The following GLB1 variants were observed in gnomAD, a reference collection of about 807,000 sequenced individuals.
GLB1 encodes the protein beta-galactosidase.
GLB1 carries 56 observed loss-of-function variants against 74.0 expected under a neutral mutation model. The observed-to-expected ratio is 0.76, with a 90% confidence interval of 0.61 to 0.94. GLB1 has a LOEUF of 0.94. Among genes scored for constraint, GLB1 ranks in the 40% least tolerant of loss-of-function variants. The pLI, the probability that GLB1 is intolerant of heterozygous loss-of-function variation, is 0.00. For synonymous variants in GLB1, 323 were observed against 323.6 expected (o/e 1.00, Z 0.02); for missense variants, 787 against 845.5 (o/e 0.93, Z 0.86).
At chr3:33,019,469 G>A (rs1053040617) in intron 12 of GLB1, among the ~76,000 whole-genome samples, 1 of 152,144 alleles carries the variant, frequency 6.6e-6, no homozygotes, top group African/African-American at 2.4e-5. Context: ...ATCCAGCATG[G>A]AACAGAGAAA....
the GLB1 span, among the ~76,000 whole-genome samples, chr3:32,964,888 A>T: frequency 6.6e-6 from 1 of 152,142 alleles, no homozygotes; most frequent in Non-Finnish European, 1.5e-5. Flanking sequence ...GGTTTTTCCC[A>T]TGCTGTTCTT....
the GLB1 span, among the ~76,000 whole-genome samples, chr3:32,981,447 A>T: frequency 6.6e-6 from 1 of 150,612 alleles, no homozygotes; most frequent in Non-Finnish European, 1.5e-5. Context: ...AAAAAAGCAA[A>T]GGTCTTCTGT....
At position 33,068,759 on chromosome 3, in the gene GLB1, C is replaced by T. The variant is rs78669828; in HGVS notation, c.396+61G>A. 16,519 of 1,612,040 alleles carry T rather than the reference C, an allele frequency of 0.01. 453 individuals carry two copies. Among genetic ancestry groups the T allele is most frequent in the Admixed American group, 0.082 (4,892 of 59,940 alleles). On this transcript the variant is annotated intron_variant, in intron 3 of 15. Coordinates refer to ENST00000307363, the MANE Select transcript of GLB1 (RefSeq NM_000404.4). ...GCAGGTCTGCTTTAATTCCCTTTGC[C>T]CCAGAGCTGCTGCCTGCCAGCTCAC...
At chr3:33,068,340 T>C in intron 3 of GLB1, 50 bp from the exon 4 acceptor site, 2 of 1,610,976 alleles carry the variant, frequency 1.2e-6, no homozygotes, top group South Asian at 1.1e-5. Context: ...TGAAGGGTGC[T>C]CAGAGGAGAT....
At chr3:32,963,605 G>A in the GLB1 span, among the ~76,000 whole-genome samples, 1 of 147,626 alleles carries the variant, frequency 6.8e-6, no homozygotes, top group African/African-American at 2.6e-5. Context: ...TTTTCTATAT[G>A]GTTGAAATGC....
chr3:32,970,713 C>T, the GLB1 span, among the ~76,000 whole-genome samples: 36 of 152,250 alleles, frequency 2.4e-4, no homozygotes, highest in East Asian at 6.8e-3. Flanking sequence ...CGATGACAAC[C>T]AGTGGATTAG....
intron 10 of GLB1, chr3:33,034,690 C>T: frequency 1.4e-6 from 1 of 726,814 alleles, no homozygotes; most frequent in Non-Finnish European, 2.6e-6. Context: ...CTGGTGGAGA[C>T]AATAAGGTGA....
At chr3:32,991,823 C>A (rs1696228227), downstream of GLB1, among the ~76,000 whole-genome samples, 1 of 152,270 alleles carries the variant, frequency 6.6e-6, no homozygotes, top group African/African-American at 2.4e-5. Context: ...CAGCAGAAGC[C>A]CCAACGTCAC....
Position 33,051,742 on chromosome 3 carries a change from A to C in GLB1, c.955+16T>G. 1.9e-6 allele frequency: 3 copies of C among 1,614,234 alleles called. No individual in the cohort carries two copies. The highest frequency in any genetic ancestry group is 2.5e-6 in the Non-Finnish European group (3 of 1,180,052). ...CATTCTAGCATAAGTTTCTACAGAT[A>C]TTAAAGTGCTCTTACCATTCCAATA... On this transcript the variant is annotated intron_variant, in intron 9 of 15. Coordinates refer to ENST00000307363, the MANE Select transcript of GLB1 (RefSeq NM_000404.4).
At chr3:33,053,926 T>G (rs1292880078) in intron 6 of GLB1, among the ~76,000 whole-genome samples, 1 of 152,030 alleles carries the variant, frequency 6.6e-6, no homozygotes, top group African/African-American at 2.4e-5. Flanking sequence ...GGCAGGAGAA[T>G]TGCTTGAACC....
rs562176735 is a variant in GLB1 at position 33,091,280 on chromosome 3, C to A, written c.75+5731G>T. 2.1e-4 allele frequency: 210 copies of A among 985,416 alleles called. No homozygotes were observed. The African/African-American group carries it at 3.5e-3, about 16-fold the overall frequency. 61.0% of individuals were successfully genotyped at this position (985,416 alleles called of 1,614,324 possible). On this transcript the variant is annotated intron_variant, in intron 1 of 15. Coordinates refer to ENST00000307363, the MANE Select transcript of GLB1 (RefSeq NM_000404.4). ...TGTCAATACCGTGGCTGCCTGGGAA[C>A]AAAAAGGGTGGTCTCCAGATCCCCC...
At chr3:33,011,551 A>G (rs1697026493) in intron 15 of GLB1, among the ~76,000 whole-genome samples, 1 of 149,910 alleles carries the variant, frequency 6.7e-6, no homozygotes, top group Admixed American at 6.6e-5. Context: ...AGGCTGAGGC[A>G]GGAGAATTGC....
intron 15 of GLB1, among the ~76,000 whole-genome samples, chr3:33,007,095 C>T (rs904232404): frequency 2.0e-5 from 3 of 152,172 alleles, no homozygotes; most frequent in African/African-American, 7.2e-5. Flanking sequence ...CAGCAGGGAC[C>T]ACTGTGCACC....
intron 9 of GLB1, among the ~76,000 whole-genome samples, chr3:33,048,820 C>T (rs1338102496): frequency 6.6e-6 from 1 of 152,138 alleles, no homozygotes; most frequent in Non-Finnish European, 1.5e-5. Context: ...AAGCTTCACC[C>T]CTTGCCAGCT....
At chr3:33,062,310 G>A (rs747860654) in intron 5 of GLB1, among the ~76,000 whole-genome samples, 66 of 152,100 alleles carry the variant, frequency 4.3e-4, no homozygotes, top group Non-Finnish European at 6.9e-4. Flanking sequence ...TGGGAACACG[G>A]GTGCATGGCA....
intron 15 of GLB1, among the ~76,000 whole-genome samples, chr3:33,011,003 C>T (rs889607540): frequency 2.6e-5 from 4 of 152,040 alleles, no homozygotes; most frequent in African/African-American, 4.8e-5. Context: ...ATTACAGTTA[C>T]TCACCACCAC....
intron 1 of GLB1, among the ~76,000 whole-genome samples, chr3:33,080,068 G>T (rs949455585): frequency 2.0e-5 from 3 of 151,464 alleles, no homozygotes; most frequent in African/African-American, 7.3e-5. Context: ...ACTGGCGTGA[G>T]CCACTGTGCC....
the GLB1 span, among the ~76,000 whole-genome samples, chr3:32,978,745 T>C: frequency 7.2e-6 from 1 of 139,854 alleles, no homozygotes; most frequent in Non-Finnish European, 1.5e-5. Flanking sequence ...CCTGGTTTTC[T>C]TTTTTTTCTT....
At position 33,051,816 on chromosome 3, in the gene GLB1, A is replaced by G; in HGVS notation, c.915-18T>C. The G allele has an allele frequency of 5.0e-6, 8 of 1,614,142 alleles. No individual in the cohort carries two copies. The highest frequency in any genetic ancestry group is 6.8e-6 in the Non-Finnish European group (8 of 1,180,030). Reference sequence around the variant, plus strand: ...ACATGTACCTACAAGGAAACAAAAGAACACGGTACTTCACTGTGAGCCCAT... The same window carrying G: ...ACATGTACCTACAAGGAAACAAAAGGACACGGTACTTCACTGTGAGCCCAT... On this transcript the variant is annotated intron_variant, in intron 8 of 15. Transcript: ENST00000307363.
Sources: gnomAD v4.1 joint callset for allele counts (sites outside exome capture counted in the v4.1 genomes callset) on GRCh38, gnomAD v4.1.1 for gene constraint, MANE v1.5 for transcripts, NCBI Gene and HGNC (gene_info 2026-07-23, HGNC 2026-07-21) for gene names.